The following CTNNA2 variants were observed in gnomAD, a reference collection of about 807,000 sequenced individuals.
The protein encoded by CTNNA2 is catenin alpha 2.
In CTNNA2, 42 loss-of-function variants were observed where a neutral mutation model predicts 101.0. The observed-to-expected ratio is 0.42, with a 90% CI of 0.32 to 0.54. CTNNA2 has a LOEUF of 0.54. CTNNA2 is among the 20% of genes least tolerant of loss of function. The pLI, the probability that CTNNA2 is intolerant of heterozygous loss-of-function variation, is 0.14. For synonymous variants in CTNNA2, 450 were observed against 456.4 expected, an observed-to-expected ratio of 0.99 and a Z score of 0.18; for missense variants, 871 against 1,223.1, an observed-to-expected ratio of 0.71 and a Z score of 4.29.
At chr2:79,450,604 G>T (rs1272178552) in intron 4 of CTNNA2, among the ~76,000 whole-genome samples, 5 of 151,992 alleles carry the variant, frequency 3.3e-5, no homozygotes, top group Non-Finnish European at 7.4e-5. Flanking sequence ...TGAAATTCTA[G>T]ACAACAGTAA....
chr2:80,467,751 G>T (rs1377124319), intron 9 of CTNNA2, among the ~76,000 whole-genome samples: 4 of 152,142 alleles, frequency 2.6e-5, no homozygotes, highest in African/African-American at 4.8e-5. Flanking sequence ...TAAGTCATGA[G>T]GATGGAGTTC....
intron 12 of CTNNA2, among the ~76,000 whole-genome samples, chr2:80,561,671 T>C (rs1483530775): frequency 1.3e-5 from 2 of 152,026 alleles, no homozygotes; most frequent in African/African-American, 4.8e-5. Context: ...ACTTCCTCTC[T>C]CTTTTTTTGA....
chr2:80,364,556 ATTTTT>A (rs57073635), intron 7 of CTNNA2, among the ~76,000 whole-genome samples: 7,247 of 123,508 alleles, frequency 0.059, 410 homozygotes, highest in African/African-American at 0.17. Flanking sequence ...AGAGAAAGTA[ATTTTT>A]TTTTTTTTTT....
chr2:79,578,347 T>C (rs1675927159), intron 1 of CTNNA2, among the ~76,000 whole-genome samples: 1 of 152,174 alleles, frequency 6.6e-6, no homozygotes, highest in South Asian at 2.1e-4. Context: ...CCATTTATTC[T>C]TTAACGGTAT....
At chr2:79,805,907 C>T (rs1045229206) in intron 3 of CTNNA2, among the ~76,000 whole-genome samples, 3 of 150,716 alleles carry the variant, frequency 2.0e-5, no homozygotes, top group African/African-American at 4.9e-5. Context: ...CACTGCACTT[C>T]GGCCTGGGCG....
intron 1 of CTNNA2, among the ~76,000 whole-genome samples, chr2:79,614,452 G>C (rs1678489385): frequency 6.6e-6 from 1 of 152,038 alleles, no homozygotes; most frequent in South Asian, 2.1e-4. Context: ...GAAAGATCCA[G>C]GTTTTGTGGG....
chr2:79,720,934 A>G (rs1385800695), intron 2 of CTNNA2, among the ~76,000 whole-genome samples: 1 of 152,134 alleles, frequency 6.6e-6, no homozygotes, highest in Non-Finnish European at 1.5e-5. Context: ...TTAGGGAAGG[A>G]AAGGCCAAAT....
At chr2:80,259,458 C>T (rs1672426079) in intron 7 of CTNNA2, among the ~76,000 whole-genome samples, 1 of 152,168 alleles carries the variant, frequency 6.6e-6, no homozygotes, top group Non-Finnish European at 1.5e-5. Flanking sequence ...GTCACAGGAG[C>T]CCCTGAGCTG....
intron 7 of CTNNA2, among the ~76,000 whole-genome samples, chr2:80,249,228 T>C (rs1238549172): frequency 6.6e-6 from 1 of 152,222 alleles, no homozygotes; most frequent in Non-Finnish European, 1.5e-5. Context: ...TTATCCTTCC[T>C]CTGACCATTA....
chr2:80,541,070 T>C (rs761230231), intron 9 of CTNNA2, among the ~76,000 whole-genome samples: 1 of 152,122 alleles, frequency 6.6e-6, no homozygotes, highest in Non-Finnish European at 1.5e-5. Flanking sequence ...AATCAAAATA[T>C]ATAAAACCAA....
At chr2:79,247,817 C>A (rs1674718234) in intron 2 of CTNNA2, among the ~76,000 whole-genome samples, 1 of 152,034 alleles carries the variant, frequency 6.6e-6, no homozygotes, top group Admixed American at 6.6e-5. Context: ...ATGTTGATGG[C>A]CTCAAAGATG....
chr2:80,401,279 C>A (rs1284055828), intron 8 of CTNNA2, among the ~76,000 whole-genome samples: 1 of 152,202 alleles, frequency 6.6e-6, no homozygotes, highest in African/African-American at 2.4e-5. Context: ...TGTCTGTAGT[C>A]ACCGCACCCA....
At chr2:79,715,328 T>C (rs1447945803) in intron 2 of CTNNA2, among the ~76,000 whole-genome samples, 3 of 151,908 alleles carry the variant, frequency 2.0e-5, no homozygotes, top group Non-Finnish European at 4.4e-5. Context: ...AGGACTGTCA[T>C]GGAAAAGCAC....
At chr2:80,010,345 G>T (rs1693687133) in intron 7 of CTNNA2, among the ~76,000 whole-genome samples, 1 of 151,896 alleles carries the variant, frequency 6.6e-6, no homozygotes, top group African/African-American at 2.4e-5. Context: ...TTTGAGACAG[G>T]GTCTCACTCT....
intron 3 of CTNNA2, among the ~76,000 whole-genome samples, chr2:79,814,413 C>T (rs1384434764): frequency 6.6e-6 from 1 of 152,078 alleles, no homozygotes; most frequent in Non-Finnish European, 1.5e-5. Flanking sequence ...CCCTCCAAAT[C>T]CCCAAAGTCC....
chr2:80,411,593 A>G lies in CTNNA2; in HGVS notation c.1138-7856A>G, dbSNP rs185035942. ...TGTTCCTGGAATGTTTGCTGCTGTC[A>G]TCATATATACCATTGCTTTTGGTCA... On this transcript the variant is annotated intron_variant, in intron 8 of 18. Coordinates refer to ENST00000402739, the MANE Select transcript of CTNNA2 (RefSeq NM_001282597.3). Among the ~76,000 whole-genome samples the G allele has an allele frequency of 1.5e-3, 236 of 152,296 alleles. 1 individual carries two copies. The highest frequency in any genetic ancestry group is 5.3e-3 in the African/African-American group (219 of 41,580).
At chr2:79,517,238 G>A (rs1671855241) in intron 1 of CTNNA2, among the ~76,000 whole-genome samples, 1 of 152,132 alleles carries the variant, frequency 6.6e-6, no homozygotes, top group Non-Finnish European at 1.5e-5. Context: ...CAGCATAAGT[G>A]ATATGAATTG....
intron 2 of CTNNA2, among the ~76,000 whole-genome samples, chr2:79,730,407 G>T (rs942841700): frequency 6.6e-6 from 1 of 151,950 alleles, no homozygotes; most frequent in Non-Finnish European, 1.5e-5. Context: ...AGATTTTTCT[G>T]CTTCTAATTT....
At chr2:79,796,789 A>G (rs1264412422) in intron 3 of CTNNA2, among the ~76,000 whole-genome samples, 1 of 152,214 alleles carries the variant, frequency 6.6e-6, no homozygotes, top group African/African-American at 2.4e-5. Flanking sequence ...ATGCAAATGC[A>G]GATTTTTCCC....
Sources: allele counts gnomAD v4.1 joint callset (sites outside exome capture counted in the v4.1 genomes callset), GRCh38; gene constraint gnomAD v4.1.1; transcripts MANE v1.5; gene names NCBI Gene and HGNC (gene_info 2026-07-23, HGNC 2026-07-21).